PRKAG2: variants seen among roughly 807,000 people sequenced by gnomAD.
PRKAG2 encodes the protein protein kinase AMP-activated non-catalytic subunit gamma 2, also known as 5'-AMP-activated protein kinase subunit gamma-2.
In PRKAG2, 26 loss-of-function variants were observed where a neutral mutation model predicts 69.6. The ratio of observed to expected loss-of-function variants is 0.37; its 90% CI spans 0.27 to 0.52. The LOEUF (loss-of-function observed/expected upper bound fraction) is 0.52, where lower values mean the gene tolerates loss of function less well. Ranked by LOEUF, PRKAG2 falls within the 20% of genes least tolerant of loss-of-function variation. The pLI is 0.90. For synonymous variants in PRKAG2, 293 were observed against 285.0 expected, an observed-to-expected ratio of 1.03 and a Z score of -0.28; for missense variants, 557 against 740.0, an observed-to-expected ratio of 0.75 and a Z score of 2.87.
At position 151,654,130 on chromosome 7, in the gene PRKAG2, C is replaced by T. The variant is rs149819369; in HGVS notation, c.684+21290G>A. The stretch of plus-strand genomic sequence containing the variant: ...TCTGTTTTTGGACAGACAAACCCAT[C>T]CTTTTGAAATAGTCATACAGTGTTC... On this transcript the variant is annotated intron_variant, in intron 4 of 15. Transcript: ENST00000287878. Among the ~76,000 whole-genome samples the T allele has an allele frequency of 2.1e-3, 326 of 152,192 alleles. 2 individuals carry two copies. Among genetic ancestry groups the T allele is most frequent in the African/African-American group, 7.5e-3 (313 of 41,524 alleles).
At chr7:151,610,859 C>T (rs2151215198) in intron 5 of PRKAG2, among the ~76,000 whole-genome samples, 1 of 141,746 alleles carries the variant, frequency 7.1e-6, no homozygotes, top group East Asian at 2.2e-4. Context: ...TTAAGTGATT[C>T]TCCTGCCTTA....
At chr7:151,692,818 C>T (rs917025340) in intron 3 of PRKAG2, among the ~76,000 whole-genome samples, 3 of 152,150 alleles carry the variant, frequency 2.0e-5, no homozygotes, top group Non-Finnish European at 2.9e-5. Context: ...ATTCCCTCTC[C>T]CTCTGGCCCA....
rs146131157 is a variant in PRKAG2 at position 151,808,043 on chromosome 7, C to T, written c.115-21502G>A. 9.9e-3 allele frequency among the ~76,000 whole-genome samples: 1,514 copies of T among 152,280 alleles called. 26 individuals are homozygous for T. The highest frequency in any genetic ancestry group is 0.034 in the African/African-American group (1,421 of 41,544). ...CAGGGACCGCCCCGCAGCAAGACGA[C>T]GGCAGATATTTAAAATGTGAGGAAC... On this transcript the variant is annotated intron_variant, in intron 1 of 15. Transcript: ENST00000287878.
Position 151,773,455 on chromosome 7 carries a change from G to T in PRKAG2, c.466+7697C>A, listed in dbSNP as rs2076187270. Among the ~76,000 whole-genome samples, 2 of 152,298 alleles carry T rather than the reference G, an allele frequency of 1.3e-5. 1 individual carries two copies. The highest frequency in any genetic ancestry group is 6.8e-3 in the Middle Eastern group (2 of 294). ...ACTTCACATTTTGGCTTTACCACTTGGTAGCTGTGTGGCCTTTGTTCCACA... is the reference window on the plus strand; with the variant it reads ...ACTTCACATTTTGGCTTTACCACTTTGTAGCTGTGTGGCCTTTGTTCCACA... On this transcript the variant is annotated intron_variant, in intron 3 of 15. Transcript: ENST00000287878.
intron 9 of PRKAG2, among the ~76,000 whole-genome samples, 167 bp from the exon 10 acceptor site, chr7:151,570,392 C>A (rs1807268034): frequency 6.6e-6 from 1 of 152,088 alleles, no homozygotes; most frequent in African/African-American, 2.4e-5. Flanking sequence ...ATAGTTATGG[C>A]TATTTTAAAC....
In PRKAG2 at chr7:151,845,735, C is replaced by T. The variant is rs529684542; in HGVS notation, c.114+30772G>A. 2.2e-4 allele frequency among the ~76,000 whole-genome samples: 33 copies of T among 152,312 alleles called. No homozygotes were observed. The East Asian group carries it at 5.0e-3, about 23-fold the overall frequency. On this transcript the variant is annotated intron_variant, in intron 1 of 15. Transcript: ENST00000287878. ...GCTGAGGGCGGCAGGTAGTGGGAGC[C>T]GCATTTCCCAAAACACTGCGGGGGC...
At chr7:151,595,754 A>G (rs1254488285) in intron 5 of PRKAG2, among the ~76,000 whole-genome samples, 2 of 152,220 alleles carry the variant, frequency 1.3e-5, no homozygotes, top group Non-Finnish European at 2.9e-5. Flanking sequence ...ATACCAAAGA[A>G]TCTAGAAAAA....
intron 4 of PRKAG2, among the ~76,000 whole-genome samples, chr7:151,637,585 G>A (rs1027243616): frequency 6.6e-6 from 1 of 152,092 alleles, no homozygotes; most frequent in African/African-American, 2.4e-5. Flanking sequence ...AAATAAAAAT[G>A]TTTTTATGTA....
intron 3 of PRKAG2, among the ~76,000 whole-genome samples, chr7:151,721,045 A>G (rs1417772995): frequency 2.8e-5 from 2 of 72,664 alleles, no homozygotes; most frequent in African/African-American, 5.5e-5. Flanking sequence ...AGGACAGACC[A>G]GGGTGGAGGG....
intron 5 of PRKAG2, among the ~76,000 whole-genome samples, chr7:151,620,544 C>T (rs1007171365): frequency 6.6e-6 from 1 of 151,844 alleles, no homozygotes; most frequent in African/African-American, 2.4e-5. Flanking sequence ...GTGGCATGAT[C>T]ACTGCTCACT....
intron 5 of PRKAG2, among the ~76,000 whole-genome samples, chr7:151,605,039 C>T (rs1817178920): frequency 2.6e-5 from 4 of 152,136 alleles, no homozygotes; most frequent in Admixed American, 2.6e-4. Flanking sequence ...ATTTTGGAGA[C>T]AGGGTCTCGC....
Position 151,756,100 on chromosome 7 carries a change from C to T in PRKAG2, c.466+25052G>A, listed in dbSNP as rs1307712739. 6.6e-6 allele frequency among the ~76,000 whole-genome samples: 1 copy of T among 152,200 alleles called. No homozygotes were observed. Among genetic ancestry groups the T allele is most frequent in the Admixed American group, 6.5e-5 (1 of 15,286 alleles). Reference sequence around the variant, plus strand: ...TTCTCAGGCCTCTCCCCCTGGACCACCAGTGATGCCGGCAGCCACAGGTCC... The same window carrying T: ...TTCTCAGGCCTCTCCCCCTGGACCATCAGTGATGCCGGCAGCCACAGGTCC... On this transcript the variant is annotated intron_variant, in intron 3 of 15. Coordinates refer to ENST00000287878, the MANE Select transcript of PRKAG2 (RefSeq NM_016203.4). The surrounding 1 kb of genome is among the most constrained non-coding windows in gnomAD (Gnocchi z 4.9).
chr7:151,762,231 C>T lies in PRKAG2; in HGVS notation c.466+18921G>A, dbSNP rs377292336. Reference sequence around the variant, plus strand: ...CGAGAGGAAGGCCCTGCATGGTAGCCGAGGGCAGCAGGATCCCCTACACGC... The same window carrying T: ...CGAGAGGAAGGCCCTGCATGGTAGCTGAGGGCAGCAGGATCCCCTACACGC... On this transcript the variant is annotated intron_variant, in intron 3 of 15. Coordinates refer to ENST00000287878, the MANE Select transcript of PRKAG2 (RefSeq NM_016203.4). Among the ~76,000 whole-genome samples the T allele has an allele frequency of 7.9e-5, 12 of 152,232 alleles. No homozygotes were observed. The East Asian group carries it at 2.3e-3, about 29-fold the overall frequency.
intron 3 of PRKAG2, among the ~76,000 whole-genome samples, chr7:151,755,401 A>C (rs2075018054): frequency 6.6e-6 from 1 of 152,080 alleles, no homozygotes; most frequent in African/African-American, 2.4e-5. Context: ...GCAGAGGAAG[A>C]CAGGGGGTGG....
intron 1 of PRKAG2, chr7:151,810,330 C>G (rs944310682): frequency 1.3e-5 from 2 of 152,270 alleles, no homozygotes; most frequent in Non-Finnish European, 2.9e-5. Flanking sequence ...AAAAGAAAAG[C>G]CCACAAGGTT....
chr7:151,857,900 G>A (rs909232284), intron 1 of PRKAG2, among the ~76,000 whole-genome samples: 1 of 152,210 alleles, frequency 6.6e-6, no homozygotes, highest in Admixed American at 6.5e-5. Flanking sequence ...AAGGAATGGG[G>A]CATAGGAGAC....
At chr7:151,637,444 C>T (rs1195881820) in intron 4 of PRKAG2, among the ~76,000 whole-genome samples, 5 of 152,012 alleles carry the variant, frequency 3.3e-5, no homozygotes, top group South Asian at 4.1e-4. Context: ...TCAGGAGGAC[C>T]GCAAAAGTGG....
chr7:151,714,051 G>T (rs1434916382), intron 3 of PRKAG2, among the ~76,000 whole-genome samples: 1 of 152,122 alleles, frequency 6.6e-6, no homozygotes. Flanking sequence ...AGTGTGGGGG[G>T]TCACTGGTAG....
rs559383773 is a variant in PRKAG2 at position 151,808,613 on chromosome 7, G to A, written c.115-22072C>T. Among the ~76,000 whole-genome samples, 11 of 152,110 alleles carry A rather than the reference G, an allele frequency of 7.2e-5. No homozygotes were observed. The South Asian group carries it at 1.5e-3, about 20-fold the overall frequency. Reference sequence around the variant, plus strand: ...TTGTTGGGGGGGCTTGAGGCTATCCGCTGACATCTTTTCTCCCCAGTCAGG... The same window carrying A: ...TTGTTGGGGGGGCTTGAGGCTATCCACTGACATCTTTTCTCCCCAGTCAGG... On this transcript the variant is annotated intron_variant, in intron 1 of 15. Transcript: ENST00000287878.
Sources: gnomAD v4.1 joint callset for allele counts (sites outside exome capture counted in the v4.1 genomes callset) on GRCh38, gnomAD v4.1.1 for gene constraint, Gnocchi (gnomAD v3.1) non-coding constraint, MANE v1.5 for transcripts, NCBI Gene and HGNC (gene_info 2026-07-23, HGNC 2026-07-21) for gene names.